Variants in FES observed in about 807,000 individuals in gnomAD.
FES encodes the protein tyrosine-protein kinase Fes/Fps.
A neutral mutation model predicts 109.6 loss-of-function variants in FES; 83 were observed. That is an observed-to-expected ratio of 0.76 (90% CI 0.63 to 0.91). The LOEUF (loss-of-function observed/expected upper bound fraction) is 0.91, where lower values mean the gene tolerates loss of function less well. Among genes scored for constraint, FES ranks in the 40% least tolerant of loss-of-function variants. The probability of loss-of-function intolerance (pLI) is 0.00; values close to 1 mark genes in which losing one functional copy is unlikely to be tolerated. For synonymous variants in FES, 458 were observed against 442.1 expected, an observed-to-expected ratio of 1.04 and a Z score of -0.45; for missense variants, 943 against 1,070.9, an observed-to-expected ratio of 0.88 and a Z score of 1.67.
chr15:90,889,671 G>A lies in FES; in HGVS notation c.926+35G>A. ...GGCTTTGCACCTGGGCTGCGGCGGG[G>A]CTCCCAGCAGACCACGAGTGTTTAT... On this transcript the variant is annotated intron_variant, in intron 7 of 18. Transcript: ENST00000328850. This position sits in a 1 kb window ranked among gnomAD's most constrained non-coding sequence, Gnocchi z 6.1. The A allele has an allele frequency of 6.2e-7, 1 of 1,610,046 alleles. No individual in the cohort carries two copies. Among genetic ancestry groups the A allele is most frequent in the South Asian group, 1.1e-5 (1 of 90,788 alleles).
In FES at chr15:90,894,020, A is replaced by G. The variant is rs147795278; in HGVS notation, c.2288A>G (p.Asn763Ser). 298 of 1,613,786 alleles carry G rather than the reference A, an allele frequency of 1.8e-4. No homozygotes were observed. Among genetic ancestry groups the G allele is most frequent in the Admixed American group, 1.7e-3 (101 of 60,020 alleles). Residue 763 changes from asparagine (N) to serine (S), a missense_variant, in exon 18 of 19, where the codon AAC becomes AGC. By Grantham distance (46) the Asn-to-Ser change is conservative. Transcript: ENST00000328850. Reference protein sequence around the residue: ...TFSLGASPYPNLSNQQTREFV... With the variant: ...TFSLGASPYPSLSNQQTREFV... ...AGCCTGGGGGCCTCCCCCTATCCCA[A>G]CCTCAGCAATCAGCAGACACGGGAG...
chr15:90,886,833 C>T (rs981843956), intron 3 of FES, 128 bp from the exon 4 acceptor site: 1 of 776,864 alleles, frequency 1.3e-6, no homozygotes, highest in Non-Finnish European at 2.1e-6. Flanking sequence ...ACGTCAGCAG[C>T]CAGCTTTCCC....
chr15:90,892,162 G>A (rs1567100925), intron 13 of FES, 51 bp downstream of exon 13: 9 of 1,607,260 alleles, frequency 5.6e-6, no homozygotes, highest in South Asian at 2.2e-5. Context: ...CTCCTGAGTC[G>A]CGCCTGGGCC....
In FES at chr15:90,889,474, A is replaced by G. The variant is rs1369660174; in HGVS notation, c.806+31A>G. 3 of 1,613,712 alleles carry G rather than the reference A, an allele frequency of 1.9e-6. No homozygotes were observed. Among genetic ancestry groups the G allele is most frequent in the African/African-American group, 1.3e-5 (1 of 74,918 alleles). The stretch of plus-strand genomic sequence containing the variant: ...CCCCGTCCTTGCTCCTGCTGGGCCC[A>G]GGGCTGCTGGCCTGTCCACTGACGG... On this transcript the variant is annotated intron_variant, in intron 6 of 18. Transcript: ENST00000328850. This position sits in a 1 kb window ranked among gnomAD's most constrained non-coding sequence, Gnocchi z 6.1.
intron 10 of FES, 79 bp downstream of exon 10, chr15:90,890,563 GC>G: frequency 1.5e-6 from 2 of 1,310,136 alleles, no homozygotes; most frequent in South Asian, 2.5e-5. Context: ...AGGAGGCTCT[GC>G]CCAGGCTGCT....
chr15:90,886,818 C>T (rs1437803533), intron 3 of FES, 143 bp from the exon 4 acceptor site: 1 of 694,284 alleles, frequency 1.4e-6, no homozygotes, highest in Non-Finnish European at 2.5e-6. Flanking sequence ...TGATCTTTGA[C>T]TCTCACGTCA....
At chr15:90,890,630 C>T in intron 10 of FES, 146 bp downstream of exon 10, 1 of 743,596 alleles carries the variant, frequency 1.3e-6, no homozygotes, top group Non-Finnish European at 2.2e-6. Flanking sequence ...GTCCCCAGAC[C>T]CTGCCCCTGT....
intron 16 of FES, 22 bp from the exon 17 acceptor site, chr15:90,893,632 G>A (rs1449425993): frequency 3.2e-6 from 5 of 1,549,370 alleles, no homozygotes; most frequent in East Asian, 2.3e-5. Flanking sequence ...GGCCAAATGA[G>A]CCCCTGCCCT....
Position 90,887,322 on chromosome 15 carries a change from G to A in FES, c.620G>A (p.Gly207Asp), listed in dbSNP as rs377603197. The change falls in exon 5 of 19, where the codon GGC becomes GAC. Residue 207 changes from glycine to aspartate, a missense_variant. By Grantham distance (94) the Gly-to-Asp change is moderately conservative. Coordinates refer to ENST00000328850, the MANE Select transcript of FES (RefSeq NM_002005.4). ...HQHHHQLLLP[G>D]LLRSLQDLHE... ...CACCACCACCAGCTCCTGCTGCCCG[G>A]CCTGCTGCGGTCACTGCAGGACCTG... 1.4e-4 allele frequency: 220 copies of A among 1,613,058 alleles called. 1 individual carries two copies. The Middle Eastern group carries it at 1.7e-3, about 12-fold the overall frequency.
At chr15:90,892,323 G>T in intron 13 of FES, 2 of 619,912 alleles carry the variant, frequency 3.2e-6, no homozygotes, top group South Asian at 1.9e-5. Context: ...CCAGCACCCT[G>T]ACCTCATCAC....
At chr15:90,887,552 A>T (rs568549430) in intron 5 of FES, among the ~76,000 whole-genome samples, 182 bp downstream of exon 5, 2 of 152,334 alleles carry the variant, frequency 1.3e-5, no homozygotes, top group East Asian at 3.9e-4. Flanking sequence ...ACACTATTCC[A>T]GGGTCTCATT....
At chr15:90,893,506 C>CATCA in intron 16 of FES, 92 bp downstream of exon 16, 1 of 1,495,438 alleles carries the variant, frequency 6.7e-7, no homozygotes, top group Non-Finnish European at 8.9e-7. Flanking sequence ...GACCATCAGG[C>CATCA]ATCAGCTCCA....
chr15:90,885,021 C>T lies in FES; in HGVS notation c.-9-16C>T, dbSNP rs771551343. ...TGCTGCCTTGCCTCCAGGGATGGCC[C>T]CTTTTCTGTCCCCAGAACAGCACTA... On this transcript the variant is annotated splice_polypyrimidine_tract_variant and intron_variant, in intron 1 of 18. Coordinates refer to ENST00000328850, the MANE Select transcript of FES (RefSeq NM_002005.4). 1.3e-6 allele frequency: 2 copies of T among 1,581,194 alleles called. No homozygotes were observed. Among genetic ancestry groups the T allele is most frequent in the Non-Finnish European group, 1.7e-6 (2 of 1,165,098 alleles).
rs2033184958 is a variant in FES at position 90,891,219 on chromosome 15, C to T, written c.1530+28C>T. On this transcript the variant is annotated intron_variant, in intron 11 of 18. Coordinates refer to ENST00000328850, the MANE Select transcript of FES (RefSeq NM_002005.4). ...GAGTGGGGCTGGGACCCGAGCCTTCCAGGCCTCACTCTTCCCCTCCCTTCC... is the reference window on the plus strand; with the variant it reads ...GAGTGGGGCTGGGACCCGAGCCTTCTAGGCCTCACTCTTCCCCTCCCTTCC... 5 of 1,545,710 alleles carry T rather than the reference C, an allele frequency of 3.2e-6. No homozygotes were observed. In the Admixed American group the frequency reaches 7.8e-5, roughly 24 times the overall value.
rs775097175 is a variant in FES, at chr15:90,891,155, T to C, written c.1494T>C (p.Asp498=). ...KQEYVLSVLW[D]GLPRHFIIQS... ...AGTACGTGCTGTCGGTGCTGTGGGA[T>C]GGTCTGCCCCGGCACTTCATCATCC... Residue 498 remains aspartate, a synonymous_variant, in exon 11 of 19, where the codon GAT becomes GAC. Coordinates refer to ENST00000328850, the MANE Select transcript of FES (RefSeq NM_002005.4). 2 of 1,568,778 alleles carry C rather than the reference T, an allele frequency of 1.3e-6. No homozygotes were observed. The highest frequency in any genetic ancestry group is 1.2e-5 in the South Asian group (1 of 85,704).
At position 90,891,040 on chromosome 15, in the gene FES, G is replaced by A; in HGVS notation, c.1379G>A (p.Trp460Ter). 1 of 1,598,892 alleles carries A rather than the reference G, an allele frequency of 6.3e-7. No individual in the cohort carries two copies. Among genetic ancestry groups the A allele is most frequent in the South Asian group, 1.1e-5 (1 of 88,288 alleles). Residue 460 changes from tryptophan (W) to a stop codon, truncating the protein, a stop_gained, in exon 11 of 19, where the codon TGG becomes TAG. Transcript: ENST00000328850. LOFTEE classifies it high-confidence loss of function. Reference protein sequence around the residue: ...EVQKPLHEQLWYHGAIPRAEV... With the variant: ...EVQKPLHEQL ...CAGAAGCCCCTGCATGAGCAGCTGT[G>A]GTACCACGGGGCCATCCCGAGGGCA...
chr15:90,885,685 A>G (rs976924985), intron 3 of FES, 100 bp downstream of exon 3: 5 of 1,486,366 alleles, frequency 3.4e-6, no homozygotes, highest in Non-Finnish European at 4.5e-6. Flanking sequence ...GGGGAAGTGT[A>G]AGTCCCTGAC....
chr15:90,889,894 G>A lies in FES; in HGVS notation c.981G>A (p.Arg327=), dbSNP rs773978141. The A allele has an allele frequency of 8.1e-6, 13 of 1,613,596 alleles. 1 individual carries two copies. The South Asian group carries it at 1.3e-4, about 16-fold the overall frequency. ...TGGCCACCGAGATGGTGTTCAGGCGGCAGGAGATGGTTACGCAGCTGCAAC... is the reference window on the plus strand; with the variant it reads ...TGGCCACCGAGATGGTGTTCAGGCGACAGGAGATGGTTACGCAGCTGCAAC... The part of the protein sequence containing the change: ...LAVATEMVFR[R]QEMVTQLQQE... Residue 327 remains arginine, a synonymous_variant, in exon 8 of 19, where the codon CGG becomes CGA. Coordinates refer to ENST00000328850, the MANE Select transcript of FES (RefSeq NM_002005.4). The surrounding 1 kb of genome is among the most constrained non-coding windows in gnomAD (Gnocchi z 6.1).
chr15:90,886,026 C>T (rs751949652), intron 3 of FES, among the ~76,000 whole-genome samples: 6 of 152,242 alleles, frequency 3.9e-5, no homozygotes, highest in Non-Finnish European at 7.3e-5. Context: ...TGAAGTCAGC[C>T]TGCCTAGGTT....
Sources: gnomAD v4.1 joint callset for allele counts (sites outside exome capture counted in the v4.1 genomes callset) on GRCh38, gnomAD v4.1.1 for gene constraint, Gnocchi (gnomAD v3.1) non-coding constraint, MANE v1.5 for transcripts, NCBI Gene and HGNC (gene_info 2026-07-23, HGNC 2026-07-21) for gene names.